The following NIPAL3 variants were observed in gnomAD, a reference collection of about 807,000 sequenced individuals.
The protein encoded by NIPAL3 is NIPA-like protein 3.
Under a neutral mutation model 47.2 loss-of-function variants are expected in NIPAL3, and 41 were observed. The observed-to-expected ratio is 0.87, with a 90% confidence interval of 0.68 to 1.13. The LOEUF is 1.13. Among genes scored for constraint, NIPAL3 ranks in the 50% most tolerant of loss-of-function variants. The pLI is 0.00. For missense variants in NIPAL3, 449 were observed against 530.1 expected, an observed-to-expected ratio of 0.85 and a Z score of 1.50; for synonymous variants, 194 against 209.6, an observed-to-expected ratio of 0.93 and a Z score of 0.64.
At chr1:24,444,236 A>G (rs564002790) in intron 4 of NIPAL3, among the ~76,000 whole-genome samples, 1 of 152,300 alleles carries the variant, frequency 6.6e-6, no homozygotes, top group South Asian at 2.1e-4. Context: ...TGTGTGCCAA[A>G]TGACTTACAT....
chr1:24,456,005 C>A, intron 7 of NIPAL3, 133 bp from the exon 8 acceptor site: 2 of 1,067,916 alleles, frequency 1.9e-6, no homozygotes, highest in Non-Finnish European at 1.4e-6. Context: ...ACTGTGCAAA[C>A]TGCCGGCTTG....
chr1:24,464,353 T>TAA, intron 11 of NIPAL3: 1 of 325,998 alleles, frequency 3.1e-6, no homozygotes, highest in African/African-American at 2.1e-5. Flanking sequence ...ATCTTTTAAA[T>TAA]AAAATTCTGA....
chr1:24,468,108 C>A (rs1184301333), intron 11 of NIPAL3, among the ~76,000 whole-genome samples: 2 of 152,016 alleles, frequency 1.3e-5, no homozygotes, highest in Admixed American at 6.6e-5. Context: ...AAGTTTGAGA[C>A]CAGCCTGGGC....
chr1:24,456,381 A>G (rs1646205582), intron 8 of NIPAL3, 108 bp downstream of exon 8: 1 of 1,450,946 alleles, frequency 6.9e-7, no homozygotes, highest in Non-Finnish European at 9.5e-7. Context: ...AACATGCCCC[A>G]GGGCCTGGCA....
intron 2 of NIPAL3, among the ~76,000 whole-genome samples, chr1:24,427,255 T>C (rs1410361152): frequency 6.6e-6 from 1 of 152,164 alleles, no homozygotes; most frequent in Non-Finnish European, 1.5e-5. Context: ...CATTGCCCTA[T>C]GCCAGGCACT....
intron 2 of NIPAL3, among the ~76,000 whole-genome samples, chr1:24,422,429 G>A (rs1644375486): frequency 6.6e-6 from 1 of 152,058 alleles, no homozygotes; most frequent in African/African-American, 2.4e-5. Flanking sequence ...GTTCATAGAT[G>A]GTCCCCAATC....
rs1405074920 is a variant in NIPAL3 at position 24,471,159 on chromosome 1, C to T, written c.*1974C>T. ...TGGCAAATCTAAGATTTGTATAAAG[C>T]ATATAAAATAGGGTGATCACCCCCG... On this transcript the variant is annotated 3_prime_UTR_variant, in exon 12 of 12. Coordinates refer to ENST00000374399, the MANE Select transcript of NIPAL3 (RefSeq NM_020448.5). 6.6e-6 allele frequency: 1 copy of T among 152,154 alleles called. No homozygotes were observed. The highest frequency in any genetic ancestry group is 1.5e-5 in the Non-Finnish European group (1 of 68,058). 9.4% of individuals were successfully genotyped at this position (152,154 alleles called of 1,614,324 possible).
intron 2 of NIPAL3, among the ~76,000 whole-genome samples, chr1:24,436,304 T>C (rs894622585): frequency 3.7e-4 from 57 of 152,210 alleles, no homozygotes; most frequent in African/African-American, 1.3e-3. Flanking sequence ...CTTTTGTTTT[T>C]TTTTTACCCT....
Position 24,454,478 on chromosome 1 carries a change from G to A in NIPAL3, c.637+974G>A. ...ATTTTTCTTCCAACCTTCCTACTGT[G>A]TGCCCTACCACCGCCACAAGCCATC... On this transcript the variant is annotated intron_variant, in intron 7 of 11. Transcript: ENST00000374399. The surrounding 1 kb of genome is among the most constrained non-coding windows in gnomAD (Gnocchi z 4.1). 1.0e-6 allele frequency: 1 copy of A among 993,776 alleles called. No individual in the cohort carries two copies. Among genetic ancestry groups the A allele is most frequent in the Non-Finnish European group, 1.2e-6 (1 of 835,012 alleles). 61.6% of individuals were successfully genotyped at this position (993,776 alleles called of 1,614,324 possible).
rs375139871 is a variant in NIPAL3 at position 24,453,414 on chromosome 1, G to A, written c.547G>A (p.Glu183Lys). ...TGCTTGCTGCCTTCCACAGCTGGTG[G>A]AGATCATTCTGTTCTGCTTGCTGCT... is the stretch of plus-strand genomic sequence containing the variant. ...SWPFLLYMLV[E>K]IILFCLLLYF... is the part of the protein sequence containing the mutation. Residue 183 changes from glutamate to lysine, a missense_variant, in exon 7 of 12, where the codon GAG becomes AAG. Transcript: ENST00000374399. The A allele has an allele frequency of 1.9e-6, 3 of 1,612,758 alleles. No individual in the cohort carries two copies. The highest frequency in any genetic ancestry group is 2.7e-5 in the African/African-American group (2 of 74,752).
chr1:24,432,225 G>C (rs965632623), intron 2 of NIPAL3, among the ~76,000 whole-genome samples: 3 of 152,126 alleles, frequency 2.0e-5, no homozygotes, highest in African/African-American at 7.2e-5. Context: ...CGCCTTCCGG[G>C]TTAGTGATTC....
At position 24,464,123 on chromosome 1, in the gene NIPAL3, A is replaced by T; in HGVS notation, c.1021+3A>T. 1 of 1,612,044 alleles carries T rather than the reference A, an allele frequency of 6.2e-7. No individual in the cohort carries two copies. Among genetic ancestry groups the T allele is most frequent in the Non-Finnish European group, 8.5e-7 (1 of 1,178,430 alleles). On this transcript the variant is annotated splice_donor_region_variant and intron_variant, in intron 11 of 11. Transcript: ENST00000374399. ...TATTTCCATGGATGCCATGCCAGGT[A>T]AGGTTAAAGCCCCGTGGGTCTAGCT...
In NIPAL3 at chr1:24,449,659, T is replaced by C. The variant is rs765281081; in HGVS notation, c.540+33T>C. The C allele has an allele frequency of 3.1e-6, 5 of 1,600,056 alleles. No homozygotes were observed. Among genetic ancestry groups the C allele is most frequent in the Non-Finnish European group, 4.3e-6 (5 of 1,172,386 alleles). Reference sequence around the variant, plus strand: ...AAGCCTCCAGTCGTTCCCCCTGAGATGGCAGGAGGGAGATCAAGTCCTAGA... The same window carrying C: ...AAGCCTCCAGTCGTTCCCCCTGAGACGGCAGGAGGGAGATCAAGTCCTAGA... On this transcript the variant is annotated intron_variant, in intron 6 of 11. Coordinates refer to ENST00000374399, the MANE Select transcript of NIPAL3 (RefSeq NM_020448.5). The surrounding 1 kb of genome is among the most constrained non-coding windows in gnomAD (Gnocchi z 4.5).
At chr1:24,428,230 G>A (rs1386643473) in intron 2 of NIPAL3, among the ~76,000 whole-genome samples, 1 of 147,116 alleles carries the variant, frequency 6.8e-6, no homozygotes, top group African/African-American at 2.5e-5. Context: ...CAGCCTGGCT[G>A]ACAGAGCGAG....
At chr1:24,436,344 C>G (rs1472178444) in intron 2 of NIPAL3, among the ~76,000 whole-genome samples, 1 of 151,948 alleles carries the variant, frequency 6.6e-6, no homozygotes, top group African/African-American at 2.4e-5. Flanking sequence ...TTCCAGAGTG[C>G]TGGCTTCTTC....
At chr1:24,432,273 G>T (rs184980650) in intron 2 of NIPAL3, among the ~76,000 whole-genome samples, 1 of 152,114 alleles carries the variant, frequency 6.6e-6, no homozygotes, top group African/African-American at 2.4e-5. Context: ...AATTACAGGC[G>T]TGTGCCACCA....
Position 24,469,294 on chromosome 1 carries a change from A to G in NIPAL3, c.*109A>G. 2.3e-6 allele frequency: 2 copies of G among 856,004 alleles called. No individual in the cohort carries two copies. The highest frequency in any genetic ancestry group is 1.8e-5 in the South Asian group (1 of 54,708). The allele number at this position is 856,004 out of a possible 1,614,324, so 53.0% of individuals were successfully genotyped here. The stretch of plus-strand genomic sequence containing the variant: ...CATTTTGTTTCTAACTGAGAACTCT[A>G]TGGATGATGATCTCAAAAAGCCTTT... On this transcript the variant is annotated 3_prime_UTR_variant, in exon 12 of 12. Transcript: ENST00000374399.
upstream of NIPAL3, chr1:24,415,060 G>C (rs1160862243): frequency 6.6e-6 from 1 of 152,088 alleles, no homozygotes. Flanking sequence ...TTCTTCATAC[G>C]TAAAACGGGC....
In NIPAL3 at chr1:24,418,336, CTGTT is replaced by C. The variant is rs576670186; in HGVS notation, c.-257-952_-257-949del. 2.9e-3 allele frequency among the ~76,000 whole-genome samples: 439 copies of C among 152,308 alleles called. 1 individual carries two copies. Among genetic ancestry groups the C allele is most frequent in the Non-Finnish European group, 2.5e-3 (171 of 68,020 alleles). On this transcript the variant is annotated intron_variant, in intron 1 of 11. Coordinates refer to ENST00000374399, the MANE Select transcript of NIPAL3 (RefSeq NM_020448.5). ...ACACTAGAAGTATACTTTCTCTTCT[CTGTT>C]TGGTAGCAAATTTTGAGAAGTGGCA...
Sources: gnomAD v4.1 joint callset for allele counts (sites outside exome capture counted in the v4.1 genomes callset) on GRCh38, gnomAD v4.1.1 for gene constraint, Gnocchi (gnomAD v3.1) non-coding constraint, MANE v1.5 for transcripts, NCBI Gene and HGNC (gene_info 2026-07-23, HGNC 2026-07-21) for gene names.